Variants in PRIM2 observed in about 807,000 individuals in gnomAD.
PRIM2 encodes DNA primase large subunit.
Under a neutral mutation model 67.3 loss-of-function variants are expected in PRIM2, and 39 were observed. The ratio of observed to expected loss-of-function variants is 0.58; its 90% confidence interval spans 0.45 to 0.76. PRIM2 has a LOEUF of 0.76. Among genes scored for constraint, PRIM2 ranks in the 30% least tolerant of loss-of-function variants. The probability of loss-of-function intolerance (pLI) is 0.00; values close to 1 mark genes in which losing one functional copy is unlikely to be tolerated. For synonymous variants in PRIM2, 143 were observed against 198.7 expected, an observed-to-expected ratio of 0.72 and a Z score of 2.36; for missense variants, 398 against 598.7, an observed-to-expected ratio of 0.66 and a Z score of 3.50.
intron 7 of PRIM2, among the ~76,000 whole-genome samples, chr6:57,485,167 T>A (rs1482573615): frequency 5.3e-5 from 8 of 151,924 alleles, no homozygotes; most frequent in African/African-American, 1.7e-4. Context: ...TCCATGAACA[T>A]GTGACAGACT....
Position 57,638,398 on chromosome 6 carries a change from C to G in PRIM2, c.1299+6197C>G, listed in dbSNP as rs1399866775. On this transcript the variant is annotated intron_variant, in intron 13 of 13. Transcript: ENST00000615550. ...AGGACAGGGTCAGATTCACACATAA[C>G]AATATTAACTTGAAATGTAAAGAGG... is the stretch of plus-strand genomic sequence containing the variant. Among the ~76,000 whole-genome samples, 221 of 151,970 alleles carry G rather than the reference C, an allele frequency of 1.5e-3. 1 individual carries two copies. The highest frequency in any genetic ancestry group is 6.8e-3 in the Middle Eastern group (2 of 294).
chr6:57,585,843 T>C (rs1417764666), intron 10 of PRIM2, among the ~76,000 whole-genome samples: 1 of 152,190 alleles, frequency 6.6e-6, no homozygotes, highest in Non-Finnish European at 1.5e-5. Flanking sequence ...AAAGCATTAT[T>C]CTCTTCTCTC....
intron 10 of PRIM2, among the ~76,000 whole-genome samples, chr6:57,551,395 A>G (rs1292733342): frequency 6.6e-6 from 1 of 152,224 alleles, no homozygotes; most frequent in African/African-American, 2.4e-5. Context: ...TTAATTCAGA[A>G]TAAGTTCAGA....
chr6:57,537,421 T>C lies in PRIM2; in HGVS notation c.835-19T>C, dbSNP rs1387373633. 1.3e-3 allele frequency: 1,656 copies of C among 1,289,118 alleles called. 13 individuals carry two copies. Among genetic ancestry groups the C allele is most frequent in the East Asian group, 7.0e-3 (294 of 42,294 alleles). The allele number at this position is 1,289,118 out of a possible 1,614,324, so 79.9% of individuals were successfully genotyped here. On this transcript the variant is annotated intron_variant, in intron 9 of 13. Transcript: ENST00000615550. ...AAGTCTTCCACTTAACTTAAAACTC[T>C]ACTATTTTTTTCTTGTAGCTTTCTA...
At chr6:57,500,336 C>G (rs1554346747) in intron 7 of PRIM2, among the ~76,000 whole-genome samples, 7,935 of 152,304 alleles carry the variant, frequency 0.052, 287 homozygotes, top group Non-Finnish European at 0.084. Flanking sequence ...CTCTCTGCCT[C>G]TCTTGAACTA....
At chr6:57,393,051 C>G (rs9475910) in intron 7 of PRIM2, among the ~76,000 whole-genome samples, 8,098 of 151,566 alleles carry the variant, frequency 0.053, 550 homozygotes, top group African/African-American at 0.13. Context: ...TTTACCCACT[C>G]ATAGATTGAT....
rs1366472793 is a variant in PRIM2 at position 57,437,230 on chromosome 6, C to A, written c.693+55062C>A. On this transcript the variant is annotated intron_variant, in intron 7 of 13. Coordinates refer to ENST00000615550, the MANE Select transcript of PRIM2 (RefSeq NM_000947.5). The stretch of plus-strand genomic sequence containing the variant: ...GCAGCGCCAAGGGCATTGTGGTAAA[C>A]CATTCATGAGAAATCCACTTGCATG... 7.2e-5 allele frequency among the ~76,000 whole-genome samples: 11 copies of A among 152,322 alleles called. No homozygotes were observed. In the East Asian group the frequency reaches 2.1e-3, roughly 29 times the overall value.
chr6:57,358,351 A>G (rs1424444855), intron 5 of PRIM2, among the ~76,000 whole-genome samples: 1 of 152,202 alleles, frequency 6.6e-6, no homozygotes, highest in East Asian at 1.9e-4. Flanking sequence ...AAAAATCTTG[A>G]TTTGGTAGAT....
At chr6:57,539,650 GTGTGTGTATATATATA>G (rs1775099472) in intron 10 of PRIM2, among the ~76,000 whole-genome samples, 2 of 104,286 alleles carry the variant, frequency 1.9e-5, no homozygotes, top group Admixed American at 1.9e-4. Context: ...GTGTGTGTGT[GTGTGTGTATATATATA>G]TATATATGCA....
At chr6:57,582,082 C>T (rs1447320458) in intron 10 of PRIM2, among the ~76,000 whole-genome samples, 1 of 152,190 alleles carries the variant, frequency 6.6e-6, no homozygotes, top group Non-Finnish European at 1.5e-5. Context: ...GCCTCAGCCT[C>T]CCAAAGTGCT....
chr6:57,372,548 C>G (rs562041896), intron 5 of PRIM2, among the ~76,000 whole-genome samples: 1 of 152,180 alleles, frequency 6.6e-6, no homozygotes, highest in Admixed American at 6.5e-5. Flanking sequence ...TTTCAACTTT[C>G]ATATAATAAA....
At chr6:57,386,578 T>C (rs1268458863) in intron 7 of PRIM2, among the ~76,000 whole-genome samples, 2 of 151,234 alleles carry the variant, frequency 1.3e-5, no homozygotes, top group Non-Finnish European at 2.9e-5. Context: ...CCGAGCCTGG[T>C]TGAGAGGAGG....
chr6:57,225,401 A>G, the PRIM2 span, among the ~76,000 whole-genome samples: 1 of 152,216 alleles, frequency 6.6e-6, no homozygotes, highest in African/African-American at 2.4e-5. Flanking sequence ...TCATGCTCTC[A>G]CTGAAGGCAG....
upstream of PRIM2, among the ~76,000 whole-genome samples, chr6:57,315,670 T>A (rs936817533): frequency 2.0e-5 from 3 of 152,158 alleles, no homozygotes; most frequent in African/African-American, 7.2e-5. Flanking sequence ...TCCTAATGAG[T>A]TAACTTCTTT....
intron 7 of PRIM2, among the ~76,000 whole-genome samples, chr6:57,461,042 C>T (rs538055529): frequency 1.2e-4 from 18 of 152,136 alleles, no homozygotes; most frequent in South Asian, 4.1e-4. Context: ...AAGGATGATA[C>T]GATCCATGAA....
chr6:57,510,704 T>G (rs1774347650), intron 8 of PRIM2, among the ~76,000 whole-genome samples: 1 of 152,212 alleles, frequency 6.6e-6, no homozygotes. Context: ...CATGTATATG[T>G]CGGGTGGCAG....
chr6:57,234,840 T>C, the PRIM2 span, among the ~76,000 whole-genome samples: 1 of 152,208 alleles, frequency 6.6e-6, no homozygotes, highest in Non-Finnish European at 1.5e-5. Context: ...GTTTTATTAA[T>C]TTTTTGGAAA....
intron 10 of PRIM2, among the ~76,000 whole-genome samples, chr6:57,591,621 C>G (rs1316018453): frequency 4.5e-4 from 69 of 152,126 alleles, no homozygotes; most frequent in African/African-American, 1.6e-3. Flanking sequence ...GTTAAAATGT[C>G]CTCCTGAAGA....
chr6:57,629,453 G>T (rs1395439966), intron 12 of PRIM2, among the ~76,000 whole-genome samples: 1 of 152,146 alleles, frequency 6.6e-6, no homozygotes, highest in African/African-American at 2.4e-5. Context: ...AAATCAGTTG[G>T]CAGGGGAAGG....
Sources: allele counts gnomAD v4.1 joint callset (sites outside exome capture counted in the v4.1 genomes callset), GRCh38; gene constraint gnomAD v4.1.1; transcripts MANE v1.5; gene names NCBI Gene and HGNC (gene_info 2026-07-23, HGNC 2026-07-21).